CASP10: variants seen among roughly 807,000 people sequenced by gnomAD.
CASP10 encodes caspase-10.
CASP10 carries 41 observed loss-of-function variants against 48.5 expected under a neutral mutation model. The ratio of observed to expected loss-of-function variants is 0.85; its 90% CI spans 0.66 to 1.10. The LOEUF is 1.10. Ranked by LOEUF, CASP10 falls within the 50% of genes least tolerant of loss-of-function variation. The pLI is 0.00. For missense variants in CASP10, 614 were observed against 614.5 expected (o/e 1.00, Z 0.01); for synonymous variants, 232 against 238.4 (o/e 0.97, Z 0.25).
At chr2:201,198,539 C>CTTTTTT (rs34234167) in intron 5 of CASP10, among the ~76,000 whole-genome samples, 8 of 87,980 alleles carry the variant, frequency 9.1e-5, no homozygotes, top group African/African-American at 1.5e-4. Context: ...TTTTTTAATT[C>CTTTTTT]TTTTTTTTTT....
chr2:201,183,861 T>C (rs1944316083), intron 1 of CASP10, among the ~76,000 whole-genome samples: 1 of 34,016 alleles, frequency 2.9e-5, no homozygotes, highest in South Asian at 4.7e-4. Flanking sequence ...CCTTCCTTTA[T>C]TTATTTATTT....
chr2:201,190,299 C>G (rs1176350028), intron 3 of CASP10, among the ~76,000 whole-genome samples: 1 of 152,054 alleles, frequency 6.6e-6, no homozygotes, highest in East Asian at 1.9e-4. Context: ...TATACACACA[C>G]ACACACACAT....
Position 201,209,300 on chromosome 2 carries a change from CA to C in CASP10, c.1154del (p.Gln385ArgfsTer33). 1.9e-6 allele frequency: 3 copies of C among 1,614,212 alleles called. No homozygotes were observed. Among genetic ancestry groups the C allele is most frequent in the East Asian group, 4.5e-5 (2 of 44,880 alleles). ...REIMSHFTAL[Q>X]CPRLAEKPKL... ...GATCATGTCTCACTTCACAGCCCTG[CA>C]GTGCCCTAGACTGGCTGAAAAACCT... is the stretch of plus-strand genomic sequence containing the variant. On this transcript the variant is annotated frameshift_variant, in exon 9 of 10. Transcript: ENST00000286186. LOFTEE classifies it high-confidence loss of function.
chr2:201,191,360 C>G (rs41329145), intron 3 of CASP10, among the ~76,000 whole-genome samples: 7 of 152,040 alleles, frequency 4.6e-5, no homozygotes, highest in Admixed American at 1.3e-4. Context: ...CATATTTCCT[C>G]TTTGGATTCC....
intron 3 of CASP10, among the ~76,000 whole-genome samples, chr2:201,192,406 T>TAAA (rs920451855): frequency 1.3e-5 from 2 of 151,288 alleles, no homozygotes; most frequent in African/African-American, 4.8e-5. Context: ...ATAATAATAA[T>TAAA]AATAATAATA....
rs75310177 is a variant in CASP10 at position 201,205,816 on chromosome 2, A to C, written c.722-66A>C. The C allele has an allele frequency of 6.5e-5, 65 of 999,988 alleles. No individual in the cohort carries two copies. The East Asian group carries it at 8.9e-4, about 14-fold the overall frequency. The allele number at this position is 999,988 out of a possible 1,614,324, so 61.9% of individuals were successfully genotyped here. On this transcript the variant is annotated intron_variant, in intron 6 of 9. Coordinates refer to ENST00000286186, the MANE Select transcript of CASP10 (RefSeq NM_032977.4). The stretch of plus-strand genomic sequence containing the variant: ...ATAATTCTCCAGAATTAGATGCGAA[A>C]ATTATCAGTGAAGAAATCTAAGTGC...
At chr2:201,196,536 T>A (rs1387683010) in intron 5 of CASP10, among the ~76,000 whole-genome samples, 1 of 152,216 alleles carries the variant, frequency 6.6e-6, no homozygotes, top group Non-Finnish European at 1.5e-5. Flanking sequence ...ATCATGATCC[T>A]TGGGAGATAT....
Position 201,229,037 on chromosome 2 carries a change from C to T in CASP10, c.1520C>T (p.Ala507Val), listed in dbSNP as rs148642010. The T allele has an allele frequency of 1.1e-5, 18 of 1,614,088 alleles. No homozygotes were observed. Among genetic ancestry groups the T allele is most frequent in the African/African-American group, 6.7e-5 (5 of 74,932 alleles). The change falls in exon 10 of 10, where the codon GCG becomes GTG. Residue 507 changes from alanine (A) to valine (V), a missense_variant. Ala to Val is a moderately conservative substitution (Grantham distance 64). Transcript: ENST00000272879. ...ACCTCCCTGCCCACGGCCATCTCTG[C>T]GCAGACACCTCGACCCCCCATGCGC...
At chr2:201,200,549 T>C (rs1196009080) in intron 5 of CASP10, 2 of 1,596,338 alleles carry the variant, frequency 1.3e-6, no homozygotes, top group South Asian at 1.1e-5. Context: ...CTGAAGACTA[T>C]GCAGGCAATC....
chr2:201,210,269 T>C (rs1945352366), intron 9 of CASP10, among the ~76,000 whole-genome samples: 1 of 152,164 alleles, frequency 6.6e-6, no homozygotes, highest in Non-Finnish European at 1.5e-5. Flanking sequence ...GGCCATGGGC[T>C]CCTCCATGAA....
At chr2:201,202,157 AT>A (rs1448834858) in intron 5 of CASP10, among the ~76,000 whole-genome samples, 4 of 152,102 alleles carry the variant, frequency 2.6e-5, no homozygotes, top group Non-Finnish European at 5.9e-5. Flanking sequence ...GGCCAAATCG[AT>A]TTTTTTGAGT....
chr2:201,215,346 G>T (rs1477173727), intron 9 of CASP10, among the ~76,000 whole-genome samples: 5 of 151,012 alleles, frequency 3.3e-5, no homozygotes, highest in Non-Finnish European at 7.4e-5. Flanking sequence ...CCAATGTCAT[G>T]ATATGTTTGC....
At chr2:201,196,354 TG>T (rs1330243604) in intron 5 of CASP10, among the ~76,000 whole-genome samples, 1 of 152,236 alleles carries the variant, frequency 6.6e-6, no homozygotes, top group Non-Finnish European at 1.5e-5. Flanking sequence ...TTTTGTTTAA[TG>T]CTCTGCTGTT....
chr2:201,228,853 G>A, intron 9 of CASP10: 2 of 1,282,430 alleles, frequency 1.6e-6, no homozygotes, highest in Non-Finnish European at 2.2e-6. Context: ...AGCTATGCCG[G>A]GGTCCAGCCT....
At chr2:201,209,716 T>TATCCATCTATCCACCCATTCATCTATCC (rs1559309990) in intron 9 of CASP10, among the ~76,000 whole-genome samples, 154 bp downstream of exon 9, 6 of 152,200 alleles carry the variant, frequency 3.9e-5, no homozygotes, top group South Asian at 2.1e-4. Context: ...TTTATCTATT[T>TATCCATCTATCCACCCATTCATCTATCC]ATCCATCTAT....
chr2:201,187,897 G>A, intron 3 of CASP10, 98 bp downstream of exon 3: 1 of 867,282 alleles, frequency 1.2e-6, no homozygotes, highest in Non-Finnish European at 1.9e-6. Context: ...ATTTTTTATG[G>A]GAGACAGTAT....
At chr2:201,200,630 TA>T in intron 5 of CASP10, 1 of 1,446,962 alleles carries the variant, frequency 6.9e-7, no homozygotes, top group Non-Finnish European at 9.1e-7. Flanking sequence ...CAGGTGGAGG[TA>T]TTTAGGCATT....
At chr2:201,224,814 T>A (rs1347358999), downstream of CASP10, among the ~76,000 whole-genome samples, 10 of 152,100 alleles carry the variant, frequency 6.6e-5, no homozygotes, top group East Asian at 7.9e-4. Flanking sequence ...ATTTGATAAC[T>A]TTTTTCTGAT....
Position 201,195,934 on chromosome 2 carries a change from T to A in CASP10, c.670T>A (p.Leu224Met). Reference protein sequence around the residue: ...LVSQTDVKTFLEALPQESWQN... With the variant: ...LVSQTDVKTFMEALPQESWQN... Reference sequence around the variant, plus strand: ...TTCCCAAACAGATGTTAAGACATTCTTGGAAGCCTTACCGGTAGGTTCAGT... The same window carrying A: ...TTCCCAAACAGATGTTAAGACATTCATGGAAGCCTTACCGGTAGGTTCAGT... The change falls in exon 5 of 10, where the codon TTG (leucine) becomes ATG (methionine). Residue 224 changes from leucine (L) to methionine (M), a missense_variant. Physicochemically the swap from Leu to Met is conservative, Grantham distance 15 (BLOSUM62 2). Coordinates refer to ENST00000286186, the MANE Select transcript of CASP10 (RefSeq NM_032977.4). 6.2e-7 allele frequency: 1 copy of A among 1,612,790 alleles called. No individual in the cohort carries two copies. The highest frequency in any genetic ancestry group is 8.5e-7 in the Non-Finnish European group (1 of 1,178,818).
Sources: gnomAD v4.1 joint callset for allele counts (sites outside exome capture counted in the v4.1 genomes callset) on GRCh38, gnomAD v4.1.1 for gene constraint, MANE v1.5 for transcripts, NCBI Gene and HGNC (gene_info 2026-07-23, HGNC 2026-07-21) for gene names.